The following PTPRN2 variants were observed in gnomAD, a reference collection of about 807,000 sequenced individuals.
The protein encoded by PTPRN2 is receptor-type tyrosine-protein phosphatase N2.
In PTPRN2, 74 loss-of-function variants were observed where a neutral mutation model predicts 118.8. The ratio of observed to expected loss-of-function variants is 0.62; its 90% CI spans 0.52 to 0.76. The LOEUF is 0.76. Among genes scored for constraint, PTPRN2 ranks in the 30% least tolerant of loss-of-function variants. PTPRN2 has a pLI of 0.00. For synonymous variants in PTPRN2, 641 were observed against 608.0 expected, an observed-to-expected ratio of 1.05 and a Z score of -0.80; for missense variants, 1,481 against 1,394.4, an observed-to-expected ratio of 1.06 and a Z score of -0.99.
intron 3 of PTPRN2, among the ~76,000 whole-genome samples, chr7:158,216,188 A>C (rs1563614924): frequency 6.6e-6 from 1 of 152,196 alleles, no homozygotes; most frequent in Non-Finnish European, 1.5e-5. Context: ...ATGTATATGA[A>C]TATTATATCT....
chr7:158,397,014 G>A lies in PTPRN2; in HGVS notation c.164-80082C>T, dbSNP rs927899602. 5.3e-5 allele frequency among the ~76,000 whole-genome samples: 8 copies of A among 152,342 alleles called. No individual in the cohort carries two copies. The South Asian group carries it at 1.7e-3, about 32-fold the overall frequency. On this transcript the variant is annotated intron_variant, in intron 2 of 22. Coordinates refer to ENST00000389418, the MANE Select transcript of PTPRN2 (RefSeq NM_002847.5). ...GTCTTTTGAAACAAACCGACATCCTGTCCTCTGTGGAGACCCAGGCCCCGC... is the reference window on the plus strand; with the variant it reads ...GTCTTTTGAAACAAACCGACATCCTATCCTCTGTGGAGACCCAGGCCCCGC...
At chr7:158,329,444 C>A (rs1206791806) in intron 2 of PTPRN2, among the ~76,000 whole-genome samples, 1 of 152,178 alleles carries the variant, frequency 6.6e-6, no homozygotes, top group Non-Finnish European at 1.5e-5. Context: ...TGTTAGCAGG[C>A]GGACGGCTGA....
At position 157,869,292 on chromosome 7, in the gene PTPRN2, A is replaced by T. The variant is rs796439474; in HGVS notation, c.1788+29381T>A. The T allele has an allele frequency of 6.6e-6, 1 of 152,274 alleles. No individual in the cohort carries two copies. The highest frequency in any genetic ancestry group is 2.1e-4 in the South Asian group (1 of 4,824). 9.4% of individuals were successfully genotyped at this position (152,274 alleles called of 1,614,324 possible). On this transcript the variant is annotated intron_variant, in intron 12 of 22. Coordinates refer to ENST00000389418, the MANE Select transcript of PTPRN2 (RefSeq NM_002847.5). The surrounding 1 kb of genome is among the most constrained non-coding windows in gnomAD (Gnocchi z 4.2). ...TCTGTGGACTCCAGGCCGCTCACTT[A>T]TCCCCATGCATATAAAATTCCTAGG...
At chr7:158,478,744 T>C (rs1820443837) in intron 2 of PTPRN2, among the ~76,000 whole-genome samples, 1 of 152,150 alleles carries the variant, frequency 6.6e-6, no homozygotes, top group African/African-American at 2.4e-5. Flanking sequence ...GGGCTCTGAC[T>C]TGTGTACACG....
At chr7:158,085,654 C>T (rs1197040788) in intron 10 of PTPRN2, among the ~76,000 whole-genome samples, 7 of 136,802 alleles carry the variant, frequency 5.1e-5, no homozygotes, top group African/African-American at 2.0e-4. Flanking sequence ...AGATACCCAT[C>T]CACACCCACG....
intron 12 of PTPRN2, among the ~76,000 whole-genome samples, chr7:157,814,331 G>A (rs1370218971): frequency 2.6e-5 from 4 of 152,158 alleles, no homozygotes; most frequent in African/African-American, 7.2e-5. Flanking sequence ...AGAAGGCCAC[G>A]TCCACGGTGC....
At chr7:158,033,250 T>C (rs1162993395) in intron 11 of PTPRN2, among the ~76,000 whole-genome samples, 2 of 135,960 alleles carry the variant, frequency 1.5e-5, no homozygotes, top group Non-Finnish European at 3.2e-5. Flanking sequence ...GGAGCTGTGG[T>C]GATCTTCTTG....
intron 3 of PTPRN2, among the ~76,000 whole-genome samples, chr7:158,226,400 A>C (rs931217741): frequency 6.6e-6 from 1 of 152,156 alleles, no homozygotes; most frequent in African/African-American, 2.4e-5. Flanking sequence ...ACAAAGAAGG[A>C]AGGCTGGGAA....
At chr7:158,495,740 G>A (rs527920278) in intron 1 of PTPRN2, among the ~76,000 whole-genome samples, 1 of 152,192 alleles carries the variant, frequency 6.6e-6, no homozygotes, top group African/African-American at 2.4e-5. Context: ...TGAAAAGTGA[G>A]AGATTAAAGC....
In PTPRN2 at chr7:157,539,115, G is replaced by A. The variant is rs1197732674; in HGVS notation, c.*1599C>T. ...TATATTTGTATATCTCACACCGGAG[G>A]TTTCTCTTCAAACATAAGGAGTTAG... On this transcript the variant is annotated 3_prime_UTR_variant, in exon 23 of 23. Coordinates refer to ENST00000389418, the MANE Select transcript of PTPRN2 (RefSeq NM_002847.5). The A allele has an allele frequency of 1.3e-5, 2 of 152,198 alleles. No homozygotes were observed. The highest frequency in any genetic ancestry group is 2.9e-5 in the Non-Finnish European group (2 of 68,026). The allele number at this position is 152,198 out of a possible 1,614,324, so 9.4% of individuals were successfully genotyped here.
At chr7:158,514,882 G>T (rs576464549) in intron 1 of PTPRN2, among the ~76,000 whole-genome samples, 1 of 152,160 alleles carries the variant, frequency 6.6e-6, no homozygotes, top group Non-Finnish European at 1.5e-5. Flanking sequence ...TCACTGGCAC[G>T]TGTGTGGTTT....
chr7:157,766,856 C>A (rs1563086188), intron 12 of PTPRN2, among the ~76,000 whole-genome samples: 2 of 152,228 alleles, frequency 1.3e-5, no homozygotes, highest in Admixed American at 1.3e-4. Context: ...TCACCCTCTA[C>A]TTGTAGTTGA....
rs1303308508 is a variant in PTPRN2, at chr7:158,529,852, C to T, written c.113-40067G>A. Among the ~76,000 whole-genome samples the T allele has an allele frequency of 6.6e-6, 1 of 152,132 alleles. No homozygotes were observed. The highest frequency in any genetic ancestry group is 2.4e-5 in the African/African-American group (1 of 41,424). Reference sequence around the variant, plus strand: ...TGGACAAACACCACACACACGTGTACATCACACATGCCACACACCACACAT... The same window carrying T: ...TGGACAAACACCACACACACGTGTATATCACACATGCCACACACCACACAT... On this transcript the variant is annotated intron_variant, in intron 1 of 22. Coordinates refer to ENST00000389418, the MANE Select transcript of PTPRN2 (RefSeq NM_002847.5). This position sits in a 1 kb window ranked among gnomAD's most constrained non-coding sequence, Gnocchi z 4.7.
At chr7:158,377,875 C>CA (rs1192938270) in intron 2 of PTPRN2, among the ~76,000 whole-genome samples, 3 of 152,228 alleles carry the variant, frequency 2.0e-5, no homozygotes, top group Non-Finnish European at 2.9e-5. Context: ...GTCCACACAG[C>CA]ACAGGGCCCG....
rs73745058 is a variant in PTPRN2 at position 158,007,355 on chromosome 7, G to A, written c.1723+73943C>T. ...GGGGACGAGGGATCAGAGGCAGGAG[G>A]TGTCCTGGCCCTAACATTTCCTTTG... is the stretch of plus-strand genomic sequence containing the variant. On this transcript the variant is annotated intron_variant, in intron 11 of 22. Coordinates refer to ENST00000389418, the MANE Select transcript of PTPRN2 (RefSeq NM_002847.5). Among the ~76,000 whole-genome samples the A allele has an allele frequency of 4.7e-3, 721 of 152,248 alleles. 5 individuals are homozygous for A. The highest frequency in any genetic ancestry group is 0.015 in the African/African-American group (612 of 41,550).
intron 14 of PTPRN2, among the ~76,000 whole-genome samples, chr7:157,644,742 C>A (rs1215074091): frequency 6.6e-6 from 1 of 151,756 alleles, no homozygotes; most frequent in Non-Finnish European, 1.5e-5. Context: ...TTGCAGTGAG[C>A]CGAGATCACA....
At chr7:158,331,041 G>A (rs373122073) in intron 2 of PTPRN2, among the ~76,000 whole-genome samples, 1 of 37,258 alleles carries the variant, frequency 2.7e-5, no homozygotes, top group Non-Finnish European at 5.4e-5. Flanking sequence ...ACCATAAGAG[G>A]TGACACCTGC....
At chr7:157,614,611 G>A (rs1208502457) in intron 15 of PTPRN2, among the ~76,000 whole-genome samples, 2 of 152,306 alleles carry the variant, frequency 1.3e-5, no homozygotes, top group East Asian at 1.9e-4. Flanking sequence ...TAGCAATGGC[G>A]CTGTGGGCTG....
At chr7:157,883,506 C>T (rs1448649987) in intron 12 of PTPRN2, among the ~76,000 whole-genome samples, 1 of 148,884 alleles carries the variant, frequency 6.7e-6, no homozygotes, top group Non-Finnish European at 1.5e-5. Context: ...CACACCACCC[C>T]AAAAATGACT....
Sources: allele counts gnomAD v4.1 joint callset (sites outside exome capture counted in the v4.1 genomes callset), GRCh38; gene constraint gnomAD v4.1.1; non-coding constraint Gnocchi (gnomAD v3.1); transcripts MANE v1.5; gene names NCBI Gene and HGNC (gene_info 2026-07-23, HGNC 2026-07-21).